Variants in CDH6 observed in about 807,000 individuals in gnomAD.
CDH6 encodes cadherin 6, also known as cadherin-6.
In CDH6, 31 loss-of-function variants were observed where a neutral mutation model predicts 78.0. The ratio of observed to expected loss-of-function variants is 0.40; its 90% CI spans 0.30 to 0.54. The LOEUF is 0.54. Among genes scored for constraint, CDH6 ranks in the 20% least tolerant of loss-of-function variants. The pLI, the probability that CDH6 is intolerant of heterozygous loss-of-function variation, is 0.56. For missense variants in CDH6, 724 were observed against 975.9 expected (o/e 0.74, Z 3.44); for synonymous variants, 376 against 368.8 (o/e 1.02, Z -0.23).
rs1466841584 is a variant in CDH6, at chr5:31,325,408, T to TC, written c.*2101dup. 1 of 231,644 alleles carries TC rather than the reference T, an allele frequency of 4.3e-6. No homozygotes were observed. The highest frequency in any genetic ancestry group is 2.2e-5 in the African/African-American group (1 of 45,152). The allele number at this position is 231,644 out of a possible 1,614,324, so 14.3% of individuals were successfully genotyped here. A position where few individuals can be genotyped will look rare whatever the true frequency, so the allele number is the denominator to read the frequency against. On this transcript the variant is annotated 3_prime_UTR_variant, in exon 12 of 12. Transcript: ENST00000265071. ...CTTCACTCTAATGAATTGATATGTA[T>TC]CATAGTCACAGGTAAGTGTTGAAAA...
chr5:31,255,988 A>T (rs1742043582), intron 1 of CDH6, among the ~76,000 whole-genome samples: 1 of 152,186 alleles, frequency 6.6e-6, no homozygotes, highest in South Asian at 2.1e-4. Context: ...TAGTGTTTCA[A>T]CGCTAACAGG....
At chr5:31,317,967 G>A (rs1479464320) in intron 11 of CDH6, 43 bp downstream of exon 11, 1 of 1,601,250 alleles carries the variant, frequency 6.2e-7, no homozygotes. Context: ...ATGGTGAGGG[G>A]CTCACACTGT....
chr5:31,318,891 A>G, intron 11 of CDH6: 1 of 226,168 alleles, frequency 4.4e-6, no homozygotes, highest in Non-Finnish European at 8.8e-6. Context: ...TCCCTGCTCT[A>G]GCGCTCCTTC....
rs767680586 is a variant in CDH6 at position 31,328,972 on chromosome 5, T to C, written c.*5664T>C. On this transcript the variant is annotated 3_prime_UTR_variant, in exon 12 of 12. Transcript: ENST00000265071. ...CCTTTTGTTGCAGTCAAATGGCAAATACGCACTCCTTGAAATGGCTTCTTT... is the reference window on the plus strand; with the variant it reads ...CCTTTTGTTGCAGTCAAATGGCAAACACGCACTCCTTGAAATGGCTTCTTT... The C allele has an allele frequency of 6.8e-5, 15 of 220,640 alleles. No individual in the cohort carries two copies. Among genetic ancestry groups the C allele is most frequent in the Non-Finnish European group, 1.0e-4 (11 of 110,274 alleles). The allele number at this position is 220,640 out of a possible 1,614,324, so 13.7% of individuals were successfully genotyped here.
intron 2 of CDH6, among the ~76,000 whole-genome samples, chr5:31,280,021 C>A (rs889803654): frequency 1.3e-5 from 2 of 152,156 alleles, no homozygotes; most frequent in Non-Finnish European, 2.9e-5. Context: ...AGTGGTGGTA[C>A]TTCATTTCAT....
At chr5:31,196,383 GA>G (rs1235548463) in intron 1 of CDH6, among the ~76,000 whole-genome samples, 2 of 152,162 alleles carry the variant, frequency 1.3e-5, no homozygotes, top group Non-Finnish European at 2.9e-5. Context: ...TCTTTAAAAG[GA>G]ATGAAATGTG....
intron 1 of CDH6, among the ~76,000 whole-genome samples, chr5:31,199,685 G>GTGTGTGTATA (rs796740950): frequency 1.9e-4 from 15 of 79,856 alleles, no homozygotes; most frequent in African/African-American, 4.7e-4. Flanking sequence ...GTGTGTGTGT[G>GTGTGTGTATA]TATATATATA....
Position 31,320,672 on chromosome 5 carries a change from C to T in CDH6, c.1883-2146C>T, listed in dbSNP as rs62350376. ...TTGCTCAAATTATGCAACCTCCCTC[C>T]GATAACATATACAAAACTGTGCTGG... On this transcript the variant is annotated intron_variant, in intron 11 of 11. Transcript: ENST00000265071. 1.6e-4 allele frequency among the ~76,000 whole-genome samples: 24 copies of T among 152,226 alleles called. No individual in the cohort carries two copies. In the East Asian group the frequency reaches 3.9e-3, roughly 25 times the overall value.
intron 2 of CDH6, among the ~76,000 whole-genome samples, chr5:31,285,104 T>C (rs563415209): frequency 2.6e-5 from 4 of 152,350 alleles, no homozygotes; most frequent in African/African-American, 9.6e-5. Context: ...AAAATAATTA[T>C]AAGGAAGCTG....
intron 8 of CDH6, among the ~76,000 whole-genome samples, chr5:31,313,977 C>T (rs181902788): frequency 2.6e-5 from 4 of 152,000 alleles, no homozygotes; most frequent in Admixed American, 6.6e-5. Context: ...TACAAGCCAT[C>T]AAGTAATCAG....
At chr5:31,217,458 G>A (rs935058124) in intron 1 of CDH6, among the ~76,000 whole-genome samples, 7 of 151,982 alleles carry the variant, frequency 4.6e-5, no homozygotes, top group African/African-American at 9.7e-5. Flanking sequence ...CTACTAATGC[G>A]TCATAACCAA....
chr5:31,294,200 A>G lies in CDH6; in HGVS notation c.467A>G (p.Glu156Gly), dbSNP rs1213978859. ...IIKIHDINDN[E>G]PIFTKEVYTA... ...AAGATCCATGACATCAATGACAATG[A>G]ACCAATATTCACCAAGGAGGTTTAC... Residue 156 changes from glutamate (E) to glycine (G), a missense_variant, in exon 3 of 12, where the codon GAA becomes GGA. Physicochemically the swap from Glu to Gly is moderately conservative, Grantham distance 98. Coordinates refer to ENST00000265071, the MANE Select transcript of CDH6 (RefSeq NM_004932.4). The surrounding 1 kb of genome is among the most constrained non-coding windows in gnomAD (Gnocchi z 4.1). The G allele has an allele frequency of 6.2e-7, 1 of 1,614,046 alleles. No individual in the cohort carries two copies. Among genetic ancestry groups the G allele is most frequent in the Non-Finnish European group, 8.5e-7 (1 of 1,179,934 alleles).
At chr5:31,259,148 A>G (rs999806421) in intron 1 of CDH6, among the ~76,000 whole-genome samples, 1 of 152,230 alleles carries the variant, frequency 6.6e-6, no homozygotes, top group Admixed American at 6.5e-5. Flanking sequence ...AACCAGTATT[A>G]TTATTTATGA....
intron 2 of CDH6, among the ~76,000 whole-genome samples, chr5:31,289,457 A>G (rs1199704327): frequency 6.6e-6 from 1 of 152,156 alleles, no homozygotes; most frequent in Admixed American, 6.6e-5. Flanking sequence ...ATTCTGATAG[A>G]ATGATTTCTT....
chr5:31,223,765 G>T (rs564283404), intron 1 of CDH6, among the ~76,000 whole-genome samples: 1 of 152,178 alleles, frequency 6.6e-6, no homozygotes, highest in South Asian at 2.1e-4. Flanking sequence ...AAGAAGAATG[G>T]ATATTTTGAT....
At chr5:31,296,210 T>G (rs540357082) in intron 3 of CDH6, among the ~76,000 whole-genome samples, 1 of 152,296 alleles carries the variant, frequency 6.6e-6, no homozygotes, top group Non-Finnish European at 1.5e-5. Flanking sequence ...TCCAGCAGTA[T>G]GCTTACTGGT....
At position 31,297,520 on chromosome 5, in the gene CDH6, A is replaced by G. The variant is rs939681096; in HGVS notation, c.643+112A>G. 8.6e-5 allele frequency: 63 copies of G among 732,706 alleles called. 1 individual carries two copies. In the Middle Eastern group the frequency reaches 9.8e-4, roughly 11 times the overall value. 45.4% of individuals were successfully genotyped at this position (732,706 alleles called of 1,614,324 possible). On this transcript the variant is annotated intron_variant, in intron 4 of 11. Coordinates refer to ENST00000265071, the MANE Select transcript of CDH6 (RefSeq NM_004932.4). ...AATGTGATTGGATTTTCTTGCATAC[A>G]TCCACCAAACACTAATGATATATTT...
intron 1 of CDH6, chr5:31,251,077 C>T (rs866886821): frequency 2.0e-5 from 3 of 152,292 alleles, no homozygotes; most frequent in Non-Finnish European, 4.4e-5. Context: ...CTTTCCTGGA[C>T]ACAGAATCAA....
chr5:31,291,812 C>T (rs1258767726), intron 2 of CDH6, among the ~76,000 whole-genome samples: 1 of 152,218 alleles, frequency 6.6e-6, no homozygotes, highest in Non-Finnish European at 1.5e-5. Context: ...CATATCCCAT[C>T]ACTCAAATCA....
Sources: allele counts gnomAD v4.1 joint callset (sites outside exome capture counted in the v4.1 genomes callset), GRCh38; gene constraint gnomAD v4.1.1; non-coding constraint Gnocchi (gnomAD v3.1); transcripts MANE v1.5; gene names NCBI Gene and HGNC (gene_info 2026-07-23, HGNC 2026-07-21).